The following ZFHX3 variants were observed in gnomAD, a reference collection of about 807,000 sequenced individuals.
ZFHX3 encodes zinc finger homeobox protein 3.
In ZFHX3, 42 loss-of-function variants were observed where a neutral mutation model predicts 279.1. The ratio of observed to expected loss-of-function variants is 0.15; its 90% confidence interval spans 0.12 to 0.19. The LOEUF (loss-of-function observed/expected upper bound fraction) is 0.19, where lower values mean the gene tolerates loss of function less well. Ranked by LOEUF, ZFHX3 falls within the 10% of genes least tolerant of loss-of-function variation. The pLI, the probability that ZFHX3 is intolerant of heterozygous loss-of-function variation, is 1.00. For missense variants in ZFHX3, 4,981 were observed against 4,754.0 expected (o/e 1.05, Z -1.40); for synonymous variants, 2,293 against 1,957.8 (o/e 1.17, Z -4.52).
chr16:73,442,661 A>G (rs2018114672), intron 3 of ZFHX3, among the ~76,000 whole-genome samples: 1 of 152,204 alleles, frequency 6.6e-6, no homozygotes, highest in African/African-American at 2.4e-5. Context: ...CTGTTTCTTC[A>G]GGTGAGTAGC....
chr16:73,657,607 C>T (rs1165345040), intron 2 of ZFHX3, among the ~76,000 whole-genome samples: 1 of 152,084 alleles, frequency 6.6e-6, no homozygotes, highest in African/African-American at 2.4e-5. Flanking sequence ...ACCCCCATCT[C>T]CTTTCTCCCC....
chr16:73,439,031 A>G (rs753116711), intron 3 of ZFHX3, among the ~76,000 whole-genome samples: 1 of 152,228 alleles, frequency 6.6e-6, no homozygotes, highest in Non-Finnish European at 1.5e-5. Flanking sequence ...AGAGCAGCAC[A>G]TCTGTCTCAG....
At chr16:73,423,120 A>G (rs546020491) in intron 3 of ZFHX3, among the ~76,000 whole-genome samples, 1 of 152,302 alleles carries the variant, frequency 6.6e-6, no homozygotes, top group South Asian at 2.1e-4. Context: ...CCCCAAATCC[A>G]GTCCCATTCT....
intron 4 of ZFHX3, among the ~76,000 whole-genome samples, chr16:72,872,559 G>A (rs979212268): frequency 6.6e-6 from 1 of 152,140 alleles, no homozygotes; most frequent in African/African-American, 2.4e-5. Context: ...CCGGGTTCAA[G>A]CAATTCTCAT....
At chr16:73,215,927 T>G (rs2012190543) in intron 5 of ZFHX3, among the ~76,000 whole-genome samples, 1 of 152,068 alleles carries the variant, frequency 6.6e-6, no homozygotes, top group Non-Finnish European at 1.5e-5. Flanking sequence ...CATGGAGACC[T>G]CAAGAAACAC....
chr16:73,596,756 A>T (rs1383300744), intron 2 of ZFHX3, among the ~76,000 whole-genome samples: 1 of 152,200 alleles, frequency 6.6e-6, no homozygotes, highest in African/African-American at 2.4e-5. Context: ...TCTCTACTGA[A>T]CAGTAAGCTT....
intron 3 of ZFHX3, among the ~76,000 whole-genome samples, chr16:72,895,016 G>A (rs2038863379): frequency 1.3e-5 from 2 of 152,214 alleles, no homozygotes; most frequent in Admixed American, 6.5e-5. Context: ...GCAGTGTGCT[G>A]GGATGCATGC....
In ZFHX3 at chr16:73,459,402, G is replaced by A. The variant is rs150945922; in HGVS notation, c.-1546-3144C>T. Among the ~76,000 whole-genome samples, 198 of 151,998 alleles carry A rather than the reference G, an allele frequency of 1.3e-3. 3 individuals are homozygous for A. In the East Asian group the frequency reaches 0.026, roughly 20 times the overall value. On this transcript the variant is annotated intron_variant, in intron 2 of 17. Transcript: ENST00000641206. ...GAGATGGATGGAGTCTCATTATGTC[G>A]CCCAGGCTGAAGTGCAGTAGCACTA... is the stretch of plus-strand genomic sequence containing the variant.
intron 2 of ZFHX3, among the ~76,000 whole-genome samples, chr16:73,557,637 G>A (rs1036925997): frequency 1.3e-5 from 2 of 152,168 alleles, no homozygotes; most frequent in African/African-American, 4.8e-5. Context: ...GTGTAGCAGT[G>A]AGGACGACCA....
At chr16:73,110,120 C>G (rs985435068) in intron 7 of ZFHX3, among the ~76,000 whole-genome samples, 1 of 151,488 alleles carries the variant, frequency 6.6e-6, no homozygotes, top group South Asian at 2.1e-4. Flanking sequence ...AGGAGAATGG[C>G]GTGAACCTGG....
At position 73,732,618 on chromosome 16, in the gene ZFHX3, G is replaced by C. The variant is rs143764499; in HGVS notation, c.-1607-52378C>G. ...CTTTGTGCTTCTAGCTTCTGCTATG[G>C]TATTTGTCTAGTTATGGATGACAGA... On this transcript the variant is annotated intron_variant, in intron 1 of 17. Transcript: ENST00000641206. Among the ~76,000 whole-genome samples, 191 of 152,328 alleles carry C rather than the reference G, an allele frequency of 1.3e-3. 1 individual carries two copies. The highest frequency in any genetic ancestry group is 2.3e-3 in the Non-Finnish European group (154 of 68,028).
At chr16:73,622,439 G>A (rs757433458) in intron 2 of ZFHX3, among the ~76,000 whole-genome samples, 1 of 152,088 alleles carries the variant, frequency 6.6e-6, no homozygotes, top group South Asian at 2.1e-4. Flanking sequence ...GCGGGCACCT[G>A]CAGTCCCAGC....
At chr16:73,671,316 CAG>C (rs1212759176) in intron 2 of ZFHX3, among the ~76,000 whole-genome samples, 4 of 152,248 alleles carry the variant, frequency 2.6e-5, no homozygotes, top group African/African-American at 9.6e-5. Context: ...GCAACGGAAA[CAG>C]GGAGGAAAGC....
Position 72,792,379 on chromosome 16 carries a change from G to C in ZFHX3, c.9427+876C>G, listed in dbSNP as rs766117914. Among the ~76,000 whole-genome samples the C allele has an allele frequency of 1.9e-4, 29 of 152,252 alleles. 2 individuals are homozygous for C. The highest frequency in any genetic ancestry group is 6.8e-3 in the Middle Eastern group (2 of 294). ...TGCACTCAAGTAGAACGGCCATCTT[G>C]TTAAAAACAGCCACTATTGTTCTGG... On this transcript the variant is annotated intron_variant, in intron 9 of 9. Transcript: ENST00000268489.
chr16:73,157,048 T>A (rs1967104586), intron 5 of ZFHX3, among the ~76,000 whole-genome samples: 1 of 151,710 alleles, frequency 6.6e-6, no homozygotes, highest in South Asian at 2.1e-4. Context: ...TAGAGACGAG[T>A]TCTCACTATA....
chr16:73,029,412 C>T (rs1964618151), intron 1 of ZFHX3, among the ~76,000 whole-genome samples: 2 of 152,206 alleles, frequency 1.3e-5, no homozygotes, highest in Non-Finnish European at 2.9e-5. Context: ...ACAAGAGCCT[C>T]CTAAAGCTCC....
chr16:73,765,551 C>G (rs551244166), intron 1 of ZFHX3, among the ~76,000 whole-genome samples: 14 of 152,278 alleles, frequency 9.2e-5, no homozygotes, highest in African/African-American at 3.4e-4. Context: ...TCCATTTAGA[C>G]TTTAAATCAA....
rs186642150 is a variant in ZFHX3, at chr16:73,785,263, T to C, written c.-1607-105023A>G. On this transcript the variant is annotated intron_variant, in intron 1 of 17. Transcript: ENST00000641206. ...AGTTCTTTTGTACCAACTTTTTGTTTTTCCAAGAGTTAGTAACATCCTTGC... is the reference window on the plus strand; with the variant it reads ...AGTTCTTTTGTACCAACTTTTTGTTCTTCCAAGAGTTAGTAACATCCTTGC... 3.3e-3 allele frequency among the ~76,000 whole-genome samples: 501 copies of C among 152,352 alleles called. 2 individuals are homozygous for C. Among genetic ancestry groups the C allele is most frequent in the African/African-American group, 0.011 (460 of 41,582 alleles).
intron 1 of ZFHX3, among the ~76,000 whole-genome samples, chr16:73,769,743 C>T (rs2053996685): frequency 6.6e-6 from 1 of 152,162 alleles, no homozygotes; most frequent in Non-Finnish European, 1.5e-5. Context: ...GACATATCAA[C>T]AACCCAGTTA....
Sources: gnomAD v4.1 joint callset for allele counts (sites outside exome capture counted in the v4.1 genomes callset) on GRCh38, gnomAD v4.1.1 for gene constraint, MANE v1.5 for transcripts, NCBI Gene and HGNC (gene_info 2026-07-23, HGNC 2026-07-21) for gene names.